The following KCNK5 variants were observed in gnomAD, a reference collection of about 807,000 sequenced individuals.
KCNK5 encodes potassium two pore domain channel subfamily K member 5.
In KCNK5, 18 loss-of-function variants were observed where a neutral mutation model predicts 32.9. The ratio of observed to expected loss-of-function variants is 0.55; its 90% CI spans 0.38 to 0.81. The LOEUF (loss-of-function observed/expected upper bound fraction) is 0.81. Among genes scored for constraint, KCNK5 ranks in the 30% least tolerant of loss-of-function variants. The pLI, the probability that KCNK5 is intolerant of heterozygous loss-of-function variation, is 0.00. For synonymous variants in KCNK5, 276 were observed against 275.3 expected (o/e 1.00, Z -0.03); for missense variants, 507 against 651.0 (o/e 0.78, Z 2.41).
intron 1 of KCNK5, among the ~76,000 whole-genome samples, chr6:39,202,090 TTTTG>T (rs1468098965): frequency 1.3e-5 from 2 of 152,122 alleles, no homozygotes; most frequent in African/African-American, 4.8e-5. Flanking sequence ...GGGCCTTTTG[TTTTG>T]TTTTTCACTG....
intron 1 of KCNK5, among the ~76,000 whole-genome samples, chr6:39,198,813 A>T (rs1771074045): frequency 6.6e-6 from 1 of 152,064 alleles, no homozygotes; most frequent in Non-Finnish European, 1.5e-5. Context: ...TCCAAGGGGG[A>T]GATGGGGTGG....
chr6:39,191,595 C>T lies in KCNK5; in HGVS notation c.795G>A (p.Glu265=). 1 of 1,614,008 alleles carries T rather than the reference C, an allele frequency of 6.2e-7. No homozygotes were observed. Residue 265 remains glutamate, a synonymous_variant, in exon 5 of 5, where the codon GAG becomes GAA. Coordinates refer to ENST00000359534, the MANE Select transcript of KCNK5 (RefSeq NM_003740.4). This position sits in a 1 kb window ranked among gnomAD's most constrained non-coding sequence, Gnocchi z 5.8. The part of the protein sequence containing the change: ...AIKKRRRRRK[E]SFESSPHSRK... ...GGGAGTGTGGGGAGCTCTCAAAGGA[C>T]TCCTTCCGTCGCCGCCGCCGCTTCT...
intron 1 of KCNK5, among the ~76,000 whole-genome samples, chr6:39,207,920 C>G (rs1488678131): frequency 1.3e-5 from 2 of 152,108 alleles, no homozygotes; most frequent in Non-Finnish European, 2.9e-5. Flanking sequence ...TGGCTCCTGA[C>G]CCTTGTGCCA....
rs140756503 is a variant in KCNK5 at position 39,221,897 on chromosome 6, C to T, written c.186+7029G>A. On this transcript the variant is annotated intron_variant, in intron 1 of 4. Transcript: ENST00000359534. Reference sequence around the variant, plus strand: ...CTTTGGACTGTATTTCCTCTCATTTCACCACTGCGGCCCAATTATCTTTCC... The same window carrying T: ...CTTTGGACTGTATTTCCTCTCATTTTACCACTGCGGCCCAATTATCTTTCC... 7.9e-5 allele frequency among the ~76,000 whole-genome samples: 12 copies of T among 152,314 alleles called. 1 individual carries two copies. Among genetic ancestry groups the T allele is most frequent in the African/African-American group, 2.4e-4 (10 of 41,570 alleles).
chr6:39,223,478 C>T (rs1228730681), intron 1 of KCNK5, among the ~76,000 whole-genome samples: 1 of 152,216 alleles, frequency 6.6e-6, no homozygotes, highest in Non-Finnish European at 1.5e-5. Flanking sequence ...CCATCTTCTC[C>T]ACTCCCTACA....
intron 4 of KCNK5, among the ~76,000 whole-genome samples, chr6:39,192,084 A>ACT (rs1770949882): frequency 6.6e-6 from 1 of 152,054 alleles, no homozygotes; most frequent in Non-Finnish European, 1.5e-5. Flanking sequence ...ACTTGAGGTC[A>ACT]GGAGTTCGAA....
At chr6:39,215,853 G>C (rs1436339635) in intron 1 of KCNK5, among the ~76,000 whole-genome samples, 1 of 152,210 alleles carries the variant, frequency 6.6e-6, no homozygotes, top group Non-Finnish European at 1.5e-5. Flanking sequence ...CAAGCAGCAG[G>C]CGTTAGAAGC....
At chr6:39,206,837 G>A (rs1320336256) in intron 1 of KCNK5, among the ~76,000 whole-genome samples, 6 of 151,938 alleles carry the variant, frequency 3.9e-5, no homozygotes, top group African/African-American at 7.3e-5. Context: ...GTGTTGGCGC[G>A]TCGATTACAA....
In KCNK5 at chr6:39,190,943, A is replaced by G. The variant is rs1467244542; in HGVS notation, c.1447T>C (p.Tyr483His). 6.7e-7 allele frequency: 1 copy of G among 1,501,888 alleles called. No homozygotes were observed. The highest frequency in any genetic ancestry group is 8.9e-7 in the Non-Finnish European group (1 of 1,126,886). The allele number at this position is 1,501,888 out of a possible 1,614,324, so 93.0% of individuals were successfully genotyped here. A position where few individuals can be genotyped will look rare whatever the true frequency, so the allele number is the denominator to read the frequency against. Residue 483 changes from tyrosine to histidine, a missense_variant, in exon 5 of 5, where the codon TAC becomes CAC. Tyr to His is a moderately conservative substitution (Grantham distance 83, BLOSUM62 2). This residue lies in a region of KCNK5 where 252 missense variants were observed against 250.8 expected (regional missense o/e 1.00). Transcript: ENST00000359534. ...TSTESELSVP[Y>H]EQLMNEYNKA... ...TTGTACTCATTCATCAGCTGTTCGTAAGGCACAGAGAGCTCAGACTCAGTG... is the reference window on the plus strand; with the variant it reads ...TTGTACTCATTCATCAGCTGTTCGTGAGGCACAGAGAGCTCAGACTCAGTG...
chr6:39,207,666 G>C (rs1771254335), intron 1 of KCNK5, among the ~76,000 whole-genome samples: 1 of 152,146 alleles, frequency 6.6e-6, no homozygotes, highest in Non-Finnish European at 1.5e-5. Context: ...GGTAGGAGCT[G>C]AGGGATACCA....
At chr6:39,221,391 C>A (rs867366366) in intron 1 of KCNK5, among the ~76,000 whole-genome samples, 16 of 152,210 alleles carry the variant, frequency 1.1e-4, no homozygotes, top group African/African-American at 3.9e-4. Flanking sequence ...GGGATTCAAT[C>A]TCAGTCCTCT....
intron 1 of KCNK5, among the ~76,000 whole-genome samples, chr6:39,221,248 T>TCCCACAGCCTGTGGCC (rs894427619): frequency 5.9e-5 from 9 of 152,272 alleles, no homozygotes; most frequent in East Asian, 5.8e-4. Context: ...CATCAGTGGC[T>TCCCACAGCCTGTGGCC]CCCACAGCCT....
At chr6:39,193,085 G>A (rs1163776259) in intron 4 of KCNK5, among the ~76,000 whole-genome samples, 1 of 152,206 alleles carries the variant, frequency 6.6e-6, no homozygotes, top group Non-Finnish European at 1.5e-5. Flanking sequence ...CTCATGAATA[G>A]TAATTATTAT....
At chr6:39,204,117 G>A (rs770557705) in intron 1 of KCNK5, among the ~76,000 whole-genome samples, 2 of 152,248 alleles carry the variant, frequency 1.3e-5, no homozygotes, top group African/African-American at 2.4e-5. Flanking sequence ...CCGTCTCCTC[G>A]AAGACCAGAG....
At chr6:39,211,485 G>A (rs562097228) in intron 1 of KCNK5, among the ~76,000 whole-genome samples, 5 of 152,140 alleles carry the variant, frequency 3.3e-5, no homozygotes, top group Admixed American at 6.5e-5. Flanking sequence ...CTGACGAGGC[G>A]CAGAGGGAGG....
At chr6:39,228,593 C>T (rs1364760820) in intron 1 of KCNK5, among the ~76,000 whole-genome samples, 2 of 152,178 alleles carry the variant, frequency 1.3e-5, no homozygotes, top group African/African-American at 4.8e-5. Context: ...AGATAAACGC[C>T]TTTATCCGTC....
chr6:39,203,862 T>A (rs1248409883), intron 1 of KCNK5, among the ~76,000 whole-genome samples: 1 of 152,242 alleles, frequency 6.6e-6, no homozygotes, highest in Non-Finnish European at 1.5e-5. Context: ...CTTCTCCATC[T>A]TCCTGTCTAA....
chr6:39,214,179 G>T (rs1350534537), intron 1 of KCNK5, among the ~76,000 whole-genome samples: 1 of 152,108 alleles, frequency 6.6e-6, no homozygotes, highest in Non-Finnish European at 1.5e-5. Flanking sequence ...CAGTGTGGTT[G>T]GTGGTGACAG....
intron 1 of KCNK5, among the ~76,000 whole-genome samples, chr6:39,217,120 A>AAG (rs1468371937): frequency 3.0e-4 from 12 of 39,912 alleles, no homozygotes; most frequent in African/African-American, 9.7e-4. Flanking sequence ...AACTCCATCA[A>AAG]AAAAAAAAAA....
Sources: allele counts gnomAD v4.1 joint callset (sites outside exome capture counted in the v4.1 genomes callset), GRCh38; gene constraint gnomAD v4.1.1; regional missense constraint gnomAD v4.1.1; non-coding constraint Gnocchi (gnomAD v3.1); transcripts MANE v1.5; gene names NCBI Gene and HGNC (gene_info 2026-07-23, HGNC 2026-07-21).